Variants in FMR1NB observed in about 807,000 individuals in gnomAD.
The protein encoded by FMR1NB is FMR1 neighbor, also known as FMR1 neighbor protein.
In FMR1NB, 10 loss-of-function variants were observed where a neutral mutation model predicts 16.8. The observed-to-expected ratio is 0.60, with a 90% CI of 0.37 to 1.01. FMR1NB has a LOEUF of 1.01. Ranked by LOEUF, FMR1NB falls within the 50% of genes least tolerant of loss-of-function variation. FMR1NB has a pLI of 0.01. For missense variants in FMR1NB, 205 were observed against 204.8 expected (o/e 1.00, Z 0.00); for synonymous variants, 83 against 79.1 (o/e 1.05, Z -0.26).
intron 4 of FMR1NB, among the ~76,000 whole-genome samples, chrX:148,012,204 A>G (rs1457278719): frequency 0.017 from 1 of 59 alleles, no homozygotes; most frequent in Non-Finnish European, 0.026. Context: ...AGGTGGCTGA[A>G]TTGTTCTTAT....
chrX:148,017,149 A>T (rs1557190195), intron 4 of FMR1NB, among the ~76,000 whole-genome samples: 3 of 111,061 alleles, frequency 2.7e-5, no homozygotes, highest in Admixed American at 9.6e-5. Flanking sequence ...GTGAAAGAGT[A>T]GTATGTCGTA....
chrX:147,999,429 G>T (rs782498058), intron 1 of FMR1NB, among the ~76,000 whole-genome samples: 24 of 111,796 alleles, frequency 2.1e-4, no homozygotes, highest in Non-Finnish European at 4.0e-4. Context: ...TAGGACAGAG[G>T]GTTCTCTGAT....
At chrX:148,004,832 C>T (rs1166289335) in intron 2 of FMR1NB, among the ~76,000 whole-genome samples, 4 of 112,663 alleles carry the variant, frequency 3.6e-5, no homozygotes, top group African/African-American at 1.3e-4. Flanking sequence ...AAAAATTGTT[C>T]TACCTTTTTG....
rs186164481 is a variant in FMR1NB, at chrX:148,018,128, A to G, written c.633-6737A>G. Reference sequence around the variant, plus strand: ...AGGAATCGCCACACTGACTTGCACAAGGGTTGAACTAGTTTACAGTCCCAC... The same window carrying G: ...AGGAATCGCCACACTGACTTGCACAGGGGTTGAACTAGTTTACAGTCCCAC... On this transcript the variant is annotated intron_variant, in intron 4 of 5. Coordinates refer to ENST00000370467, the MANE Select transcript of FMR1NB (RefSeq NM_152578.3). 6.3e-5 allele frequency among the ~76,000 whole-genome samples: 7 copies of G among 110,359 alleles called. No homozygotes were observed. In the East Asian group the frequency reaches 2.0e-3, roughly 31 times the overall value.
chrX:148,016,130 C>T (rs782676161), intron 4 of FMR1NB, among the ~76,000 whole-genome samples: 2 of 87,983 alleles, frequency 2.3e-5, no homozygotes, highest in African/African-American at 9.0e-5. Context: ...CTACTCCTTC[C>T]CTTTCTTGGT....
chrX:148,012,768 G>A (rs2044631456), intron 4 of FMR1NB, among the ~76,000 whole-genome samples: 1 of 111,150 alleles, frequency 9.0e-6, no homozygotes, highest in East Asian at 2.8e-4. Context: ...AAAGAACTGG[G>A]AATAAATGTG....
intron 1 of FMR1NB, among the ~76,000 whole-genome samples, chrX:147,993,652 C>T (rs781783807): frequency 1.6e-4 from 18 of 109,426 alleles, no homozygotes; most frequent in Non-Finnish European, 3.4e-4. Flanking sequence ...TCATCCTCTC[C>T]CTCTCTAAGC....
At chrX:148,009,433 C>T (rs1281131914) in intron 4 of FMR1NB, among the ~76,000 whole-genome samples, 1 of 110,404 alleles carries the variant, frequency 9.1e-6, no homozygotes, top group South Asian at 3.8e-4. Flanking sequence ...CTTGATCTGT[C>T]TTCAAGCCAA....
At chrX:148,025,247 G>C (rs1042056010) in intron 5 of FMR1NB, among the ~76,000 whole-genome samples, 13 of 111,257 alleles carry the variant, frequency 1.2e-4, no homozygotes, top group African/African-American at 4.3e-4. Flanking sequence ...GGTATACACA[G>C]GTCAGCTTTT....
rs1557188782 is a variant in FMR1NB at position 148,003,192 on chromosome X, C to T, written c.278-9C>T. The T allele has an allele frequency of 3.3e-6, 4 of 1,202,391 alleles. No homozygotes were observed. Among genetic ancestry groups the T allele is most frequent in the Non-Finnish European group, 4.5e-6 (4 of 890,110 alleles). ...TATGTTGGGATTAATAATTTTACTTCTTCTTAAGGGTCCTCATATTTTGTG... is the reference window on the plus strand; with the variant it reads ...TATGTTGGGATTAATAATTTTACTTTTTCTTAAGGGTCCTCATATTTTGTG... On this transcript the variant is annotated splice_polypyrimidine_tract_variant and intron_variant, in intron 1 of 5. Coordinates refer to ENST00000370467, the MANE Select transcript of FMR1NB (RefSeq NM_152578.3).
chrX:147,996,137 A>G (rs193005000), intron 1 of FMR1NB, among the ~76,000 whole-genome samples: 2 of 112,067 alleles, frequency 1.8e-5, no homozygotes, highest in Admixed American at 1.9e-4. Context: ...TATAAATGGA[A>G]AGTTGACCAT....
intron 1 of FMR1NB, among the ~76,000 whole-genome samples, chrX:147,999,683 C>G (rs1224832311): frequency 1.8e-5 from 2 of 111,613 alleles, no homozygotes; most frequent in Non-Finnish European, 3.8e-5. Flanking sequence ...GGTCTGTCTT[C>G]TCCACTGCAT....
At chrX:148,024,779 G>A in intron 4 of FMR1NB, 86 bp from the exon 5 acceptor site, 1 of 1,065,558 alleles carries the variant, frequency 9.4e-7, no homozygotes, top group Admixed American at 2.7e-5. Flanking sequence ...AGTTATCTGG[G>A]CAAATATTTT....
At chrX:147,985,093 T>C (rs1339156762) in intron 1 of FMR1NB, among the ~76,000 whole-genome samples, 1 of 111,513 alleles carries the variant, frequency 9.0e-6, no homozygotes, top group African/African-American at 3.3e-5. Context: ...GTAGGAGAAT[T>C]TTCTATCTAT....
intron 2 of FMR1NB, among the ~76,000 whole-genome samples, chrX:148,003,963 G>A (rs1483555743): frequency 8.9e-6 from 1 of 111,989 alleles, no homozygotes; most frequent in Non-Finnish European, 1.9e-5. Flanking sequence ...GAAAAATCAT[G>A]CAGAATTTAT....
intron 1 of FMR1NB, among the ~76,000 whole-genome samples, chrX:147,998,360 A>G (rs1326350834): frequency 1.8e-5 from 2 of 109,408 alleles, no homozygotes; most frequent in African/African-American, 6.9e-5. Context: ...AGGGACAGAA[A>G]ACTAAACACC....
intron 4 of FMR1NB, among the ~76,000 whole-genome samples, chrX:148,018,241 G>A (rs1240674688): frequency 8.9e-6 from 1 of 111,771 alleles, no homozygotes; most frequent in African/African-American, 3.3e-5. Context: ...TCTAACTGGC[G>A]TGAGAGGGTA....
intron 4 of FMR1NB, among the ~76,000 whole-genome samples, chrX:148,021,504 C>A (rs2124629015): frequency 9.3e-6 from 1 of 107,601 alleles, no homozygotes; most frequent in South Asian, 4.2e-4. Flanking sequence ...CTTGCTCTGT[C>A]CTCAGGCCAT....
At chrX:148,008,094 G>C (rs1479036478) in intron 3 of FMR1NB, 1 of 112,059 alleles carries the variant, frequency 8.9e-6, no homozygotes, top group Non-Finnish European at 1.9e-5. Flanking sequence ...TTGTAATTTG[G>C]AAGTAAACCT....
Sources: gnomAD v4.1 joint callset for allele counts (sites outside exome capture counted in the v4.1 genomes callset) on GRCh38, gnomAD v4.1.1 for gene constraint, MANE v1.5 for transcripts, NCBI Gene and HGNC (gene_info 2026-07-23, HGNC 2026-07-21) for gene names.